SYTL3: variants seen among roughly 807,000 people sequenced by gnomAD.
The protein encoded by SYTL3 is synaptotagmin-like protein 3.
Under a neutral mutation model 82.1 loss-of-function variants are expected in SYTL3, and 88 were observed. That is an observed-to-expected ratio of 1.07 (90% CI 0.90 to 1.28). The LOEUF is 1.28. SYTL3 is among the 50% of genes most tolerant of loss of function. The pLI is 0.00. For missense variants in SYTL3, 831 were observed against 757.6 expected, an observed-to-expected ratio of 1.10 and a Z score of -1.14; for synonymous variants, 311 against 289.4, an observed-to-expected ratio of 1.07 and a Z score of -0.76.
chr6:158,742,335 G>A (rs998265466), intron 11 of SYTL3, among the ~76,000 whole-genome samples: 2 of 152,150 alleles, frequency 1.3e-5, no homozygotes, highest in African/African-American at 4.8e-5. Flanking sequence ...ATTTGCTTTT[G>A]CTCTTAACAC....
chr6:158,733,483 C>T (rs908288715), intron 11 of SYTL3, among the ~76,000 whole-genome samples: 2 of 152,096 alleles, frequency 1.3e-5, no homozygotes, highest in Admixed American at 6.5e-5. Flanking sequence ...CCCGCCACCA[C>T]GCCCGGCTAA....
At chr6:158,703,362 C>T (rs902113599) in intron 6 of SYTL3, among the ~76,000 whole-genome samples, 14 of 152,040 alleles carry the variant, frequency 9.2e-5, no homozygotes, top group Non-Finnish European at 2.1e-4. Context: ...TAAAGTCACT[C>T]GCCAGCCAGA....
chr6:158,733,701 G>A (rs113975638), intron 11 of SYTL3, among the ~76,000 whole-genome samples: 1 of 152,112 alleles, frequency 6.6e-6, no homozygotes, highest in Non-Finnish European at 1.5e-5. Context: ...TCTGGCTCCA[G>A]CCAGTGGAAA....
At position 158,725,683 on chromosome 6, in the gene SYTL3, T is replaced by G. The variant is rs564172608; in HGVS notation, c.855+46T>G. 5.6e-6 allele frequency: 9 copies of G among 1,597,452 alleles called. No individual in the cohort carries two copies. In the South Asian group the frequency reaches 1.0e-4, roughly 18 times the overall value. On this transcript the variant is annotated intron_variant, in intron 11 of 17. Coordinates refer to ENST00000611299, the MANE Select transcript of SYTL3 (RefSeq NM_001242394.2). ...CTTTTTTTGTTTTTTTGTTTTTTGT[T>G]TTTTTGGAAAGCATAATGTACAAGT...
At chr6:158,752,152 A>G (rs1179776677) in intron 13 of SYTL3, 122 bp downstream of exon 13, 1 of 538,624 alleles carries the variant, frequency 1.9e-6, no homozygotes. Context: ...ACAGACACCT[A>G]TATGTTTCTT....
At chr6:158,728,553 GTTC>G (rs545221028) in intron 11 of SYTL3, among the ~76,000 whole-genome samples, 1 of 152,138 alleles carries the variant, frequency 6.6e-6, no homozygotes, top group Non-Finnish European at 1.5e-5. Flanking sequence ...TTCCAATTTG[GTTC>G]TTCTTTTTCA....
At chr6:158,721,395 T>C (rs780512726) in intron 10 of SYTL3, among the ~76,000 whole-genome samples, 2 of 152,008 alleles carry the variant, frequency 1.3e-5, no homozygotes, top group Non-Finnish European at 2.9e-5. Context: ...TTTTTTAATT[T>C]TTATTTTTAG....
At chr6:158,652,666 C>T (rs535935461) in intron 2 of SYTL3, among the ~76,000 whole-genome samples, 10 of 152,164 alleles carry the variant, frequency 6.6e-5, no homozygotes, top group Admixed American at 2.0e-4. Context: ...CTCAGCTTCC[C>T]GAGTAGCTGG....
Position 158,663,087 on chromosome 6 carries a change from G to A in SYTL3, c.-182G>A, listed in dbSNP as rs1331441937. On this transcript the variant is annotated 5_prime_UTR_variant, in exon 4 of 18. Transcript: ENST00000611299. ...CTTCTTGAGGCTTTCTTCTTCTAAG[G>A]AGTATGACACAGTTAAAAAGGAAAA... The A allele has an allele frequency of 1.8e-6, 1 of 565,650 alleles. No homozygotes were observed. Among genetic ancestry groups the A allele is most frequent in the Non-Finnish European group, 3.1e-6 (1 of 318,838 alleles). 35.0% of individuals were successfully genotyped at this position (565,650 alleles called of 1,614,324 possible).
chr6:158,728,563 T>A (rs1785011399), intron 11 of SYTL3, among the ~76,000 whole-genome samples: 2 of 152,368 alleles, frequency 1.3e-5, no homozygotes, highest in South Asian at 2.1e-4. Flanking sequence ...GTTCTTCTTT[T>A]TCAAGATTGC....
At chr6:158,671,734 TA>T (rs567259318) in intron 5 of SYTL3, among the ~76,000 whole-genome samples, 211 of 81,890 alleles carry the variant, frequency 2.6e-3, no homozygotes, top group Middle Eastern at 5.3e-3. Context: ...AGACTCAGTC[TA>T]AAAAAAAAAA....
At chr6:158,753,409 T>C (rs934465950) in intron 13 of SYTL3, among the ~76,000 whole-genome samples, 10 of 151,950 alleles carry the variant, frequency 6.6e-5, no homozygotes, top group Non-Finnish European at 1.3e-4. Flanking sequence ...AAGATGCCCC[T>C]GTACTTAGAA....
intron 8 of SYTL3, among the ~76,000 whole-genome samples, chr6:158,708,765 G>A (rs1421229838): frequency 6.6e-6 from 1 of 152,106 alleles, no homozygotes; most frequent in East Asian, 1.9e-4. Context: ...TGTCTCTTTT[G>A]AGTGTTTGCA....
At chr6:158,749,664 T>C (rs1400383645) in intron 12 of SYTL3, among the ~76,000 whole-genome samples, 3 of 151,884 alleles carry the variant, frequency 2.0e-5, no homozygotes, top group African/African-American at 4.8e-5. Flanking sequence ...TAAAAAAAAT[T>C]TTCAGTAGTG....
At chr6:158,737,287 G>A (rs1786309040) in intron 11 of SYTL3, among the ~76,000 whole-genome samples, 1 of 152,228 alleles carries the variant, frequency 6.6e-6, no homozygotes, top group Admixed American at 6.5e-5. Context: ...CAGCCACTAA[G>A]TGTCAGGGCC....
At chr6:158,761,818 G>A (rs543102645) in intron 15 of SYTL3, among the ~76,000 whole-genome samples, 14 of 152,218 alleles carry the variant, frequency 9.2e-5, no homozygotes, top group Admixed American at 5.2e-4. Context: ...CTCTCCTTGC[G>A]TTCCTCTTTA....
chr6:158,719,732 G>A (rs1783845196), intron 10 of SYTL3, among the ~76,000 whole-genome samples: 1 of 152,194 alleles, frequency 6.6e-6, no homozygotes, highest in African/African-American at 2.4e-5. Context: ...TGGCAGCATT[G>A]CTTCTTACCT....
intron 13 of SYTL3, among the ~76,000 whole-genome samples, chr6:158,756,974 G>A (rs1789194008): frequency 1.3e-5 from 2 of 151,390 alleles, no homozygotes; most frequent in African/African-American, 2.4e-5. Context: ...GGGGAGTAGG[G>A]GGAGGGGTTC....
At chr6:158,746,559 G>A (rs1256946777) in intron 12 of SYTL3, among the ~76,000 whole-genome samples, 3 of 151,008 alleles carry the variant, frequency 2.0e-5, no homozygotes, top group Non-Finnish European at 4.4e-5. Context: ...TCCGCCTCCC[G>A]GGTTCAAGTG....
Sources: allele counts gnomAD v4.1 joint callset (sites outside exome capture counted in the v4.1 genomes callset), GRCh38; gene constraint gnomAD v4.1.1; transcripts MANE v1.5; gene names NCBI Gene and HGNC (gene_info 2026-07-23, HGNC 2026-07-21).